Variants in DNAH3 observed in about 807,000 individuals in gnomAD.
DNAH3 encodes the protein dynein axonemal heavy chain 3.
In DNAH3, 332 loss-of-function variants were observed where a neutral mutation model predicts 432.5. The observed-to-expected ratio is 0.77, with a 90% confidence interval of 0.70 to 0.84. The LOEUF (loss-of-function observed/expected upper bound fraction) is 0.84. Ranked by LOEUF, DNAH3 falls within the 40% of genes least tolerant of loss-of-function variation. The probability of loss-of-function intolerance (pLI) is 0.00; values close to 1 mark genes in which losing one functional copy is unlikely to be tolerated. For synonymous variants in DNAH3, 1,956 were observed against 1,900.2 expected (o/e 1.03, Z -0.76); for missense variants, 4,861 against 5,114.0 (o/e 0.95, Z 1.51).
At chr16:20,976,790 G>A (rs2085612207) in intron 50 of DNAH3, among the ~76,000 whole-genome samples, 1 of 152,198 alleles carries the variant, frequency 6.6e-6, no homozygotes. Flanking sequence ...CACTGTGTGA[G>A]GACACAGCAA....
At chr16:21,041,942 G>A in intron 32 of DNAH3, 85 bp downstream of exon 32, 2 of 1,518,500 alleles carry the variant, frequency 1.3e-6, no homozygotes, top group Admixed American at 3.5e-5. Context: ...CAAAGTGCTG[G>A]GATTATAGGT....
intron 20 of DNAH3, among the ~76,000 whole-genome samples, chr16:21,077,582 C>A (rs1407089351): frequency 6.6e-6 from 1 of 152,134 alleles, no homozygotes; most frequent in Non-Finnish European, 1.5e-5. Context: ...CTGGGTCCAC[C>A]CGTCCATGGC....
intron 11 of DNAH3, among the ~76,000 whole-genome samples, chr16:21,119,343 C>T (rs1269027731): frequency 6.6e-6 from 1 of 152,090 alleles, no homozygotes; most frequent in Admixed American, 6.5e-5. Context: ...CAAGAACAAT[C>T]GCATTCGGCC....
intron 32 of DNAH3, among the ~76,000 whole-genome samples, chr16:21,040,700 G>A (rs1185484644): frequency 1.3e-5 from 2 of 151,980 alleles, no homozygotes; most frequent in African/African-American, 2.4e-5. Flanking sequence ...TTTTGCTACC[G>A]ACTAGCATGG....
At chr16:21,048,409 GC>G (rs1170597924) in intron 31 of DNAH3, among the ~76,000 whole-genome samples, 10 of 152,198 alleles carry the variant, frequency 6.6e-5, no homozygotes, top group Non-Finnish European at 1.3e-4. Flanking sequence ...TCAGAAAAGC[GC>G]AGTATTCGGG....
At chr16:21,077,971 A>G (rs1171023583) in intron 20 of DNAH3, among the ~76,000 whole-genome samples, 2 of 152,082 alleles carry the variant, frequency 1.3e-5, no homozygotes, top group Middle Eastern at 3.4e-3. Flanking sequence ...CCCTTCTCTT[A>G]CTTAGAAAGA....
chr16:21,013,719 C>CAAAA (rs557641711), intron 41 of DNAH3, among the ~76,000 whole-genome samples: 14 of 47,302 alleles, frequency 3.0e-4, no homozygotes, highest in South Asian at 7.5e-4. Context: ...AACTCCATCT[C>CAAAA]AAAAAAAAAA....
chr16:20,939,662 C>G (rs1191000456), intron 59 of DNAH3, among the ~76,000 whole-genome samples: 1 of 151,314 alleles, frequency 6.6e-6, no homozygotes, highest in Non-Finnish European at 1.5e-5. Context: ...CCTAACAACT[C>G]TCAAATAACA....
intron 18 of DNAH3, among the ~76,000 whole-genome samples, chr16:21,094,342 T>C (rs540582431): frequency 4.7e-4 from 72 of 152,056 alleles, no homozygotes; most frequent in Admixed American, 1.0e-3. Flanking sequence ...AAAATCATAA[T>C]GAGACATCAC....
intron 26 of DNAH3, 91 bp from the exon 27 acceptor site, chr16:21,058,287 CAACAAA>C (rs2090207365): frequency 3.0e-6 from 2 of 673,528 alleles, no homozygotes; most frequent in South Asian, 3.7e-5. Context: ...CTCACCACCG[CAACAAA>C]AACAAAATCT....
intron 54 of DNAH3, among the ~76,000 whole-genome samples, chr16:20,957,553 C>A (rs1304926556): frequency 6.6e-6 from 1 of 152,056 alleles, no homozygotes; most frequent in East Asian, 1.9e-4. Context: ...TGGCTCACGC[C>A]TGTAATCCCA....
chr16:21,131,021 A>ATGATGAT (rs1302669408), intron 7 of DNAH3, among the ~76,000 whole-genome samples: 1 of 152,166 alleles, frequency 6.6e-6, no homozygotes, highest in Admixed American at 6.6e-5. Flanking sequence ...AGGTATTGTT[A>ATGATGAT]TGATGATTCC....
At chr16:21,070,818 G>A in exon 22 of DNAH3, 1 of 1,594,280 alleles carries the variant, frequency 6.3e-7, no homozygotes, top group Non-Finnish European at 8.6e-7. Flanking sequence ...CACACAAGAT[G>A]TTTGTATCCT....
At position 20,964,723 on chromosome 16, in the gene DNAH3, C is replaced by T; in HGVS notation, c.9161G>A (p.Trp3054Ter). 6.2e-7 allele frequency: 1 copy of T among 1,614,122 alleles called. No individual in the cohort carries two copies. The highest frequency in any genetic ancestry group is 1.1e-5 in the South Asian group (1 of 91,078). The change falls in exon 53 of 62, where the codon TGG becomes TAG. Residue 3054 changes from tryptophan to a stop codon, truncating the protein, a stop_gained. Coordinates refer to ENST00000261383, the Ensembl canonical transcript of DNAH3. LOFTEE classifies it high-confidence loss of function. Reference sequence around the variant, plus strand: ...GTCAACGGGAAGCCCAGCAATCTGCCAGGCACGGATTTTTATGGGATCCCC... The same window carrying T: ...GTCAACGGGAAGCCCAGCAATCTGCTAGGCACGGATTTTTATGGGATCCCC...
chr16:21,129,247 C>T (rs903994911), intron 7 of DNAH3: 1 of 153,192 alleles, frequency 6.5e-6, no homozygotes, highest in East Asian at 1.9e-4. Context: ...CTGCTTGGGT[C>T]CTGTGCACAA....
Position 21,133,467 on chromosome 16 carries a change from G to A in DNAH3, c.1082+792C>T, listed in dbSNP as rs575488738. ...TATTATAACCAAGGGTGAGCTGGGT[G>A]CGATGGCCCATGTCTCTAATCCCAG... On this transcript the variant is annotated intron_variant, in intron 7 of 61. Transcript: ENST00000261383. 1.5e-4 allele frequency among the ~76,000 whole-genome samples: 23 copies of A among 152,124 alleles called. No individual in the cohort carries two copies. In the South Asian group the frequency reaches 3.1e-3, roughly 21 times the overall value.
intron 56 of DNAH3, among the ~76,000 whole-genome samples, chr16:20,949,110 C>T (rs1286520990): frequency 6.6e-6 from 1 of 151,980 alleles, no homozygotes; most frequent in African/African-American, 2.4e-5. Context: ...CCCATTCCTC[C>T]TGGACACTGG....
At chr16:20,977,269 C>T (rs969309101) in intron 50 of DNAH3, among the ~76,000 whole-genome samples, 19 of 151,996 alleles carry the variant, frequency 1.3e-4, no homozygotes, top group Admixed American at 2.0e-4. Flanking sequence ...CCCAGCTACT[C>T]GGGAGACTGA....
chr16:20,975,999 C>A (rs552200243), intron 50 of DNAH3, among the ~76,000 whole-genome samples: 10 of 152,248 alleles, frequency 6.6e-5, no homozygotes, highest in African/African-American at 2.4e-4. Flanking sequence ...CCCACCTTAG[C>A]CTCCCGAAGT....
Sources: gnomAD v4.1 joint callset for allele counts (sites outside exome capture counted in the v4.1 genomes callset) on GRCh38, gnomAD v4.1.1 for gene constraint, MANE v1.5 for transcripts, NCBI Gene and HGNC (gene_info 2026-07-23, HGNC 2026-07-21) for gene names.